The following PITPNB variants were observed in gnomAD, a reference collection of about 807,000 sequenced individuals.
The protein encoded by PITPNB is phosphatidylinositol transfer protein beta isoform.
PITPNB carries 16 observed loss-of-function variants against 45.9 expected under a neutral mutation model. The observed-to-expected ratio is 0.35, with a 90% CI of 0.24 to 0.53. The LOEUF (loss-of-function observed/expected upper bound fraction) is 0.53, where lower values mean the gene tolerates loss of function less well. Ranked by LOEUF, PITPNB falls within the 20% of genes least tolerant of loss-of-function variation. PITPNB has a pLI of 0.93. For synonymous variants in PITPNB, 112 were observed against 108.9 expected (o/e 1.03, Z -0.18); for missense variants, 188 against 330.5 (o/e 0.57, Z 3.34).
intron 7 of PITPNB, 126 bp from the exon 8 acceptor site, chr22:27,873,941 C>A: frequency 1.6e-6 from 1 of 627,894 alleles, no homozygotes; most frequent in African/African-American, 1.8e-5. Context: ...TGTGCTTTTG[C>A]GTAAAAGTAG....
intron 8 of PITPNB, among the ~76,000 whole-genome samples, chr22:27,867,973 TA>T (rs1387222259): frequency 6.6e-6 from 1 of 151,948 alleles, no homozygotes; most frequent in Non-Finnish European, 1.5e-5. Context: ...AAAAATCAAA[TA>T]AAAAATGTAG....
At chr22:27,856,895 G>A (rs1017400295) in intron 10 of PITPNB, among the ~76,000 whole-genome samples, 5 of 152,146 alleles carry the variant, frequency 3.3e-5, no homozygotes, top group South Asian at 2.1e-4. Flanking sequence ...ATAGGGTAGC[G>A]AGGGCCAGGG....
rs531714596 is a variant in PITPNB, at chr22:27,871,432, T to C, written c.534+2306A>G. Among the ~76,000 whole-genome samples, 26 of 152,360 alleles carry C rather than the reference T, an allele frequency of 1.7e-4. No individual in the cohort carries two copies. In the South Asian group the frequency reaches 2.7e-3, roughly 16 times the overall value. ...CTCAACCTCATGCCCCTTTACTCCC[T>C]GTAAAAGTATTGTCAGCTAGAGCTA... On this transcript the variant is annotated intron_variant, in intron 8 of 11. Transcript: ENST00000335272.
intron 7 of PITPNB, among the ~76,000 whole-genome samples, chr22:27,879,980 T>G (rs1190340055): frequency 6.6e-6 from 1 of 152,186 alleles, no homozygotes. Flanking sequence ...AATTAAACAT[T>G]TTTTTAAAGT....
rs1043933182 is a variant in PITPNB at position 27,853,630 on chromosome 22, C to G, written c.*72G>C. ...ATTCTTCTTCACTCATCACTGGCTGCGCTTGTTCCCCTCACTTGACCTTGA... is the reference window on the plus strand; with the variant it reads ...ATTCTTCTTCACTCATCACTGGCTGGGCTTGTTCCCCTCACTTGACCTTGA... On this transcript the variant is annotated 3_prime_UTR_variant, in exon 12 of 12. Coordinates refer to ENST00000335272, the MANE Select transcript of PITPNB (RefSeq NM_012399.5). 3.2e-6 allele frequency: 5 copies of G among 1,550,662 alleles called. No homozygotes were observed. In the African/African-American group the frequency reaches 6.8e-5, roughly 21 times the overall value.
intron 7 of PITPNB, among the ~76,000 whole-genome samples, chr22:27,882,612 T>C (rs963005722): frequency 2.5e-4 from 38 of 152,188 alleles, no homozygotes; most frequent in African/African-American, 8.9e-4. Context: ...AACAATCCCA[T>C]TATAGTCCTT....
At chr22:27,886,138 C>T (rs1702795048) in intron 7 of PITPNB, among the ~76,000 whole-genome samples, 1 of 152,218 alleles carries the variant, frequency 6.6e-6, no homozygotes, top group African/African-American at 2.4e-5. Context: ...CTTAATAACA[C>T]TTCACTACAA....
chr22:27,913,457 G>T (rs763269249), intron 2 of PITPNB, among the ~76,000 whole-genome samples: 5 of 152,146 alleles, frequency 3.3e-5, no homozygotes, highest in Non-Finnish European at 7.3e-5. Context: ...GGGTTTTATG[G>T]GTTTTGCTAT....
At chr22:27,889,391 G>A (rs1241086006) in intron 7 of PITPNB, among the ~76,000 whole-genome samples, 8 of 152,060 alleles carry the variant, frequency 5.3e-5, no homozygotes, top group African/African-American at 1.9e-4. Flanking sequence ...ATAGGATCTG[G>A]GGAGACATGG....
intron 7 of PITPNB, among the ~76,000 whole-genome samples, chr22:27,893,582 CTTTTTTTTTT>C (rs745878388): frequency 8.1e-5 from 6 of 74,048 alleles, no homozygotes; most frequent in South Asian, 1.1e-3. Context: ...CATGTCTAGC[CTTTTTTTTTT>C]TTTTTTTTTT....
chr22:27,909,471 G>A (rs989174993), intron 3 of PITPNB, among the ~76,000 whole-genome samples: 9 of 151,996 alleles, frequency 5.9e-5, no homozygotes, highest in Non-Finnish European at 1.2e-4. Flanking sequence ...AAGAAACAAT[G>A]AAGAAAGCAT....
intron 7 of PITPNB, among the ~76,000 whole-genome samples, chr22:27,879,032 C>CT (rs894269412): frequency 6.7e-4 from 99 of 147,428 alleles, no homozygotes; most frequent in South Asian, 8.7e-4. Context: ...GAACATAACA[C>CT]TTTTTTTTTT....
At chr22:27,872,028 A>C (rs1934675692) in intron 8 of PITPNB, among the ~76,000 whole-genome samples, 1 of 148,352 alleles carries the variant, frequency 6.7e-6, no homozygotes, top group Non-Finnish European at 1.5e-5. Flanking sequence ...AAAAGCAGAT[A>C]CCAGCACTAT....
intron 8 of PITPNB, among the ~76,000 whole-genome samples, chr22:27,869,363 G>T (rs57899627): frequency 6.6e-6 from 1 of 152,128 alleles, no homozygotes; most frequent in Non-Finnish European, 1.5e-5. Context: ...TAAAAGATAT[G>T]TATCACATCA....
intron 3 of PITPNB, chr22:27,910,455 C>T (rs1046481962): frequency 1.3e-5 from 2 of 152,584 alleles, no homozygotes; most frequent in African/African-American, 4.8e-5. Flanking sequence ...AATGGACTTA[C>T]AACGTAGGGA....
intron 3 of PITPNB, among the ~76,000 whole-genome samples, chr22:27,898,664 G>A (rs1400144023): frequency 1.3e-5 from 2 of 152,032 alleles, no homozygotes; most frequent in African/African-American, 4.8e-5. Flanking sequence ...CAATGTAAAG[G>A]ACCCATGCAG....
At chr22:27,889,103 C>A (rs1209353020) in intron 7 of PITPNB, among the ~76,000 whole-genome samples, 1 of 152,168 alleles carries the variant, frequency 6.6e-6, no homozygotes, top group Non-Finnish European at 1.5e-5. Context: ...CAAGCAAGCA[C>A]AACTGCGCTG....
intron 7 of PITPNB, among the ~76,000 whole-genome samples, chr22:27,889,856 C>T (rs898729924): frequency 2.0e-5 from 3 of 152,222 alleles, no homozygotes; most frequent in African/African-American, 4.8e-5. Flanking sequence ...CTTTTCTCTA[C>T]ACTGTAGACT....
Position 27,886,084 on chromosome 22 carries a change from G to A in PITPNB, c.456+8471C>T, listed in dbSNP as rs1935115688. Among the ~76,000 whole-genome samples, 3 of 152,178 alleles carry A rather than the reference G, an allele frequency of 2.0e-5. 1 individual carries two copies. In the South Asian group the frequency reaches 6.2e-4, roughly 32 times the overall value. On this transcript the variant is annotated intron_variant, in intron 7 of 11. Transcript: ENST00000335272. The stretch of plus-strand genomic sequence containing the variant: ...AGCATGGTGTACTCTGTGACCACTG[G>A]GATGACCAGCAGAAGGACGCTTCCC...
Sources: gnomAD v4.1 joint callset for allele counts (sites outside exome capture counted in the v4.1 genomes callset) on GRCh38, gnomAD v4.1.1 for gene constraint, MANE v1.5 for transcripts, NCBI Gene and HGNC (gene_info 2026-07-23, HGNC 2026-07-21) for gene names.